Variants in GNAT3 observed in about 807,000 individuals in gnomAD.
GNAT3 encodes G protein subunit alpha transducin 3.
GNAT3 carries 31 observed loss-of-function variants against 37.7 expected under a neutral mutation model. The ratio of observed to expected loss-of-function variants is 0.82; its 90% CI spans 0.62 to 1.11. The LOEUF (loss-of-function observed/expected upper bound fraction) is 1.11. Ranked by LOEUF, GNAT3 falls within the 50% of genes most tolerant of loss-of-function variation. GNAT3 has a pLI of 0.00. For synonymous variants in GNAT3, 138 were observed against 139.8 expected, an observed-to-expected ratio of 0.99 and a Z score of 0.09; for missense variants, 437 against 412.5, an observed-to-expected ratio of 1.06 and a Z score of -0.51.
intron 5 of GNAT3, among the ~76,000 whole-genome samples, chr7:80,470,299 G>T (rs1220479732): frequency 1.3e-5 from 2 of 152,016 alleles, no homozygotes; most frequent in Non-Finnish European, 2.9e-5. Context: ...TTGGCTCACT[G>T]CAACCTCCGC....
intron 3 of GNAT3, among the ~76,000 whole-genome samples, chr7:80,484,698 A>G (rs183678005): frequency 3.2e-4 from 49 of 152,116 alleles, no homozygotes; most frequent in African/African-American, 1.2e-3. Context: ...GGTTTGTTAC[A>G]TAGGTAACAA....
chr7:80,497,607 C>T (rs536972942), intron 1 of GNAT3, among the ~76,000 whole-genome samples: 1 of 115,376 alleles, frequency 8.7e-6, no homozygotes, highest in Non-Finnish European at 1.7e-5. Context: ...TATACATATA[C>T]GTATATACAT....
Position 80,476,377 on chromosome 7 carries a change from G to A in GNAT3, c.462-1998C>T, listed in dbSNP as rs529235180. On this transcript the variant is annotated intron_variant, in intron 4 of 7. Transcript: ENST00000398291. Reference sequence around the variant, plus strand: ...AATTCTTTTCCAATTATTTAAACTAGTATTTTTCCTGGTGAAGTCTATGGT... The same window carrying A: ...AATTCTTTTCCAATTATTTAAACTAATATTTTTCCTGGTGAAGTCTATGGT... Among the ~76,000 whole-genome samples, 7 of 148,806 alleles carry A rather than the reference G, an allele frequency of 4.7e-5. No homozygotes were observed. In the South Asian group the frequency reaches 1.3e-3, roughly 28 times the overall value.
At chr7:80,504,115 A>C (rs1264047316) in intron 1 of GNAT3, among the ~76,000 whole-genome samples, 2 of 152,158 alleles carry the variant, frequency 1.3e-5, no homozygotes, top group Non-Finnish European at 2.9e-5. Flanking sequence ...CAGAAGTTTG[A>C]GATCAGCCTG....
At chr7:80,505,141 G>A (rs953847245) in intron 1 of GNAT3, among the ~76,000 whole-genome samples, 55 of 152,234 alleles carry the variant, frequency 3.6e-4, no homozygotes, top group African/African-American at 1.2e-3. Context: ...CAGGAAAATG[G>A]TAAATGGAGA....
chr7:80,487,399 T>G (rs1054526776), intron 3 of GNAT3, among the ~76,000 whole-genome samples: 1 of 152,166 alleles, frequency 6.6e-6, no homozygotes, highest in African/African-American at 2.4e-5. Flanking sequence ...GTAAAATACC[T>G]GACTCCTTGC....
intron 2 of GNAT3, among the ~76,000 whole-genome samples, chr7:80,493,858 TCC>T (rs1268789522): frequency 4.3e-5 from 6 of 140,652 alleles, no homozygotes; most frequent in African/African-American, 1.6e-4. Context: ...TCCTCTTTCC[TCC>T]TCCTCCTCTT....
At chr7:80,469,050 G>A (rs780241183) in intron 5 of GNAT3, among the ~76,000 whole-genome samples, 13 of 151,984 alleles carry the variant, frequency 8.6e-5, no homozygotes, top group Non-Finnish European at 1.9e-4. Context: ...ATAAAGACTA[G>A]GAAAGCCAAA....
chr7:80,486,298 G>A (rs1298136661), intron 3 of GNAT3, among the ~76,000 whole-genome samples: 6 of 152,140 alleles, frequency 3.9e-5, no homozygotes, highest in African/African-American at 1.4e-4. Flanking sequence ...TGCTGCTTAA[G>A]TTGATCTGTT....
chr7:80,458,750 G>T lies in GNAT3; in HGVS notation c.986C>A (p.Thr329Asn). The change falls in exon 8 of 8, where the codon ACC becomes AAC. Residue 329 changes from threonine to asparagine, a missense_variant. Thr to Asn is a moderately conservative substitution (Grantham distance 65). Coordinates refer to ENST00000398291, the MANE Select transcript of GNAT3 (RefSeq NM_001102386.3). The stretch of plus-strand genomic sequence containing the variant: ...GTCAAACACAAACTTGACATTTTGG[G>T]TGTCAGTAGCACAGGTCATGTGGGA... ...IYSHMTCATD[T>N]QNVKFVFDAV... 6.3e-7 allele frequency: 1 copy of T among 1,599,494 alleles called. No individual in the cohort carries two copies. Among genetic ancestry groups the T allele is most frequent in the Non-Finnish European group, 8.5e-7 (1 of 1,171,492 alleles).
intron 1 of GNAT3, among the ~76,000 whole-genome samples, chr7:80,501,355 TTTATG>T (rs1452161814): frequency 1.6e-4 from 25 of 152,022 alleles, no homozygotes; most frequent in Admixed American, 1.6e-3. Flanking sequence ...TGAACATAGT[TTTATG>T]TTTTGTTTTG....
At chr7:80,507,374 A>G (rs1452116274) in intron 1 of GNAT3, among the ~76,000 whole-genome samples, 1 of 152,052 alleles carries the variant, frequency 6.6e-6, no homozygotes, top group Non-Finnish European at 1.5e-5. Flanking sequence ...AAAAATAATC[A>G]TTTAAATTTA....
intron 3 of GNAT3, among the ~76,000 whole-genome samples, chr7:80,486,770 T>C (rs1176203391): frequency 6.6e-6 from 1 of 151,712 alleles, no homozygotes; most frequent in Non-Finnish European, 1.5e-5. Context: ...ACACCATATC[T>C]GGTCAAATAT....
At chr7:80,496,341 G>A (rs952975157) in intron 1 of GNAT3, among the ~76,000 whole-genome samples, 1 of 152,084 alleles carries the variant, frequency 6.6e-6, no homozygotes, top group African/African-American at 2.4e-5. Flanking sequence ...ATTTTGGTTA[G>A]GCTAGTCTCA....
At chr7:80,471,773 C>G (rs1049240342) in intron 5 of GNAT3, among the ~76,000 whole-genome samples, 1 of 152,060 alleles carries the variant, frequency 6.6e-6, no homozygotes, top group African/African-American at 2.4e-5. Flanking sequence ...TCTAGCACTT[C>G]CGTGAAAGAC....
chr7:80,484,889 A>G (rs933355379), intron 3 of GNAT3, among the ~76,000 whole-genome samples: 2 of 152,064 alleles, frequency 1.3e-5, no homozygotes, highest in Non-Finnish European at 2.9e-5. Context: ...TAACTGTTCC[A>G]ATAGCCTATT....
chr7:80,463,467 T>G (rs932225947), intron 5 of GNAT3, among the ~76,000 whole-genome samples: 1 of 152,060 alleles, frequency 6.6e-6, no homozygotes, highest in Non-Finnish European at 1.5e-5. Context: ...TGACAAAGAT[T>G]TCCTTCTTCC....
chr7:80,482,791 A>C (rs966459658), intron 3 of GNAT3, among the ~76,000 whole-genome samples: 2 of 150,938 alleles, frequency 1.3e-5, no homozygotes, highest in African/African-American at 4.9e-5. Flanking sequence ...TCGGGCTCCC[A>C]AAGTGCTAGG....
chr7:80,504,333 T>G (rs1286231451), intron 1 of GNAT3, among the ~76,000 whole-genome samples: 1 of 151,834 alleles, frequency 6.6e-6, no homozygotes, highest in African/African-American at 2.4e-5. Flanking sequence ...GAGAGAAAAT[T>G]ATTGAGATGT....
Sources: allele counts gnomAD v4.1 joint callset (sites outside exome capture counted in the v4.1 genomes callset), GRCh38; gene constraint gnomAD v4.1.1; transcripts MANE v1.5; gene names NCBI Gene and HGNC (gene_info 2026-07-23, HGNC 2026-07-21).